SCD5: variants seen among roughly 807,000 people sequenced by gnomAD.
SCD5 encodes the protein stearoyl-CoA desaturase 5, also known as acyl-CoA-desaturase 4.
A neutral mutation model predicts 30.4 loss-of-function variants in SCD5; 20 were observed. The ratio of observed to expected loss-of-function variants is 0.66; its 90% CI spans 0.46 to 0.96. SCD5 has a LOEUF of 0.96. Ranked by LOEUF, SCD5 falls within the 40% of genes least tolerant of loss-of-function variation. SCD5 has a pLI of 0.00. For missense variants in SCD5, 381 were observed against 443.3 expected (o/e 0.86, Z 1.26); for synonymous variants, 173 against 176.4 (o/e 0.98, Z 0.16).
chr4:82,735,850 T>C (rs1720739440), intron 1 of SCD5, among the ~76,000 whole-genome samples: 1 of 152,272 alleles, frequency 6.6e-6, no homozygotes. Context: ...TCTGTATTCA[T>C]ATCAATTAGC....
chr4:82,796,408 T>C (rs1462088057), intron 1 of SCD5, among the ~76,000 whole-genome samples: 3 of 152,236 alleles, frequency 2.0e-5, no homozygotes, highest in Non-Finnish European at 4.4e-5. Flanking sequence ...CTAAGGAAGC[T>C]AGAGGACACT....
intron 1 of SCD5, among the ~76,000 whole-genome samples, chr4:82,714,484 G>A (rs1720181582): frequency 6.6e-6 from 1 of 152,070 alleles, no homozygotes; most frequent in African/African-American, 2.4e-5. Context: ...AGGTATACAG[G>A]AGCACCTGAA....
intron 2 of SCD5, among the ~76,000 whole-genome samples, chr4:82,690,807 G>A (rs181890943): frequency 1.6e-4 from 24 of 151,958 alleles, no homozygotes; most frequent in African/African-American, 5.1e-4. Context: ...TTTACTGACC[G>A]GTACACACTA....
intron 1 of SCD5, among the ~76,000 whole-genome samples, chr4:82,757,290 A>T (rs1002203661): frequency 6.6e-6 from 1 of 152,020 alleles, no homozygotes. Context: ...TCCAGTCATC[A>T]TCTCCTTCAG....
intron 1 of SCD5, among the ~76,000 whole-genome samples, chr4:82,728,423 A>G (rs1720552112): frequency 6.6e-6 from 1 of 152,228 alleles, no homozygotes; most frequent in African/African-American, 2.4e-5. Flanking sequence ...CTCAATTCTG[A>G]TAAGATAGGC....
At chr4:82,660,348 C>A in intron 3 of SCD5, 1 of 627,182 alleles carries the variant, frequency 1.6e-6, no homozygotes, top group Non-Finnish European at 2.0e-6. Context: ...GAACTCTCCA[C>A]CCCAAATCAA....
chr4:82,746,190 G>A (rs1256734074), intron 1 of SCD5, among the ~76,000 whole-genome samples: 1 of 152,174 alleles, frequency 6.6e-6, no homozygotes, highest in Non-Finnish European at 1.5e-5. Context: ...GAGAAAGTGG[G>A]GGACTGAATC....
chr4:82,676,009 A>G (rs1728428966), intron 3 of SCD5, among the ~76,000 whole-genome samples: 1 of 152,238 alleles, frequency 6.6e-6, no homozygotes, highest in Admixed American at 6.5e-5. Flanking sequence ...TTCCCTGGGT[A>G]CAGATATGGT....
chr4:82,719,574 G>A (rs1400160097), intron 1 of SCD5, among the ~76,000 whole-genome samples: 1 of 150,230 alleles, frequency 6.7e-6, no homozygotes, highest in Non-Finnish European at 1.5e-5. Flanking sequence ...CGCAATCTCG[G>A]CTCACTGCAA....
Position 82,629,810 on chromosome 4 carries a change from C to T in SCD5, c.*1517G>A, listed in dbSNP as rs1280909233. ...CACACTGTCCCATTAATTCCACATGCACTTTACAAAGCAACTTCACACACA... is the reference window on the plus strand; with the variant it reads ...CACACTGTCCCATTAATTCCACATGTACTTTACAAAGCAACTTCACACACA... On this transcript the variant is annotated 3_prime_UTR_variant, in exon 5 of 5. Transcript: ENST00000319540. 1.3e-5 allele frequency: 2 copies of T among 152,214 alleles called. No homozygotes were observed. Among genetic ancestry groups the T allele is most frequent in the African/African-American group, 2.4e-5 (1 of 41,450 alleles). 9.4% of individuals were successfully genotyped at this position (152,214 alleles called of 1,614,324 possible).
rs572818310 is a variant in SCD5 at position 82,654,103 on chromosome 4, G to A, written c.570-17280C>T. On this transcript the variant is annotated intron_variant, in intron 3 of 4. Coordinates refer to ENST00000319540, the MANE Select transcript of SCD5 (RefSeq NM_001037582.3). ...GGCTAATTATTGTATTTTTTGTAGA[G>A]ACGGGGTTTCACCATGTTGGTCAGG... 2.0e-5 allele frequency among the ~76,000 whole-genome samples: 3 copies of A among 152,274 alleles called. No individual in the cohort carries two copies. In the South Asian group the frequency reaches 6.2e-4, roughly 32 times the overall value.
chr4:82,688,882 C>T (rs1326148947), intron 2 of SCD5, among the ~76,000 whole-genome samples: 3 of 152,136 alleles, frequency 2.0e-5, no homozygotes, highest in East Asian at 3.9e-4. Flanking sequence ...TTTAAAAAAC[C>T]ACATATTTAA....
intron 1 of SCD5, among the ~76,000 whole-genome samples, chr4:82,733,211 G>C (rs1002051683): frequency 6.6e-6 from 1 of 152,068 alleles, no homozygotes; most frequent in Non-Finnish European, 1.5e-5. Flanking sequence ...CCACGCACAC[G>C]CCCCACACAC....
At chr4:82,648,031 T>C (rs933310958) in intron 3 of SCD5, among the ~76,000 whole-genome samples, 1 of 152,236 alleles carries the variant, frequency 6.6e-6, no homozygotes, top group Non-Finnish European at 1.5e-5. Context: ...TGTGCTATTA[T>C]TTTATAAACA....
chr4:82,665,059 C>CACACAT (rs1728149178), intron 3 of SCD5, among the ~76,000 whole-genome samples: 1 of 25,642 alleles, frequency 3.9e-5, no homozygotes, highest in African/African-American at 2.7e-4. Context: ...TATACACACA[C>CACACAT]ACATATATAT....
rs1356946111 is a variant in SCD5, at chr4:82,636,837, CA to C, written c.570-15del. 8.2e-6 allele frequency: 13 copies of C among 1,588,594 alleles called. No homozygotes were observed. Among genetic ancestry groups the C allele is most frequent in the Non-Finnish European group, 1.0e-5 (12 of 1,165,754 alleles). On this transcript the variant is annotated splice_polypyrimidine_tract_variant and intron_variant, in intron 3 of 4. Transcript: ENST00000319540. ...ATCTTATAGTACCTACAGGGCAAGA[CA>C]CCATATCACCATGAGGACCCGCTGA...
At chr4:82,738,126 A>G (rs1483619882) in intron 1 of SCD5, among the ~76,000 whole-genome samples, 1 of 152,242 alleles carries the variant, frequency 6.6e-6, no homozygotes, top group Non-Finnish European at 1.5e-5. Context: ...TCTACCTGAA[A>G]AAAAGTTATC....
intron 1 of SCD5, among the ~76,000 whole-genome samples, chr4:82,736,836 A>T (rs1049062857): frequency 5.3e-4 from 80 of 151,710 alleles, no homozygotes; most frequent in African/African-American, 1.3e-3. Context: ...CTAATTTTTT[A>T]AAAAAATTTT....
At chr4:82,664,000 A>G (rs28391520) in intron 3 of SCD5, among the ~76,000 whole-genome samples, 51,069 of 151,990 alleles carry the variant, frequency 0.34, 9,339 homozygotes, top group African/African-American at 0.48. Flanking sequence ...ACTGGACCAG[A>G]ACAATGAAGA....
Sources: allele counts gnomAD v4.1 joint callset (sites outside exome capture counted in the v4.1 genomes callset), GRCh38; gene constraint gnomAD v4.1.1; transcripts MANE v1.5; gene names NCBI Gene and HGNC (gene_info 2026-07-23, HGNC 2026-07-21).